LRP2: variants seen among roughly 807,000 people sequenced by gnomAD.
The protein encoded by LRP2 is low-density lipoprotein receptor-related protein 2.
A neutral mutation model predicts 531.0 loss-of-function variants in LRP2; 172 were observed. The observed-to-expected ratio is 0.32, with a 90% confidence interval of 0.29 to 0.37. LRP2 has a LOEUF of 0.37. Among genes scored for constraint, LRP2 ranks in the 10% least tolerant of loss-of-function variants. The pLI is 1.00. For synonymous variants in LRP2, 1,992 were observed against 2,027.6 expected, an observed-to-expected ratio of 0.98 and a Z score of 0.47; for missense variants, 5,167 against 5,868.3, an observed-to-expected ratio of 0.88 and a Z score of 3.90.
intron 63 of LRP2, among the ~76,000 whole-genome samples, chr2:169,161,961 G>A (rs1686604062): frequency 6.6e-6 from 1 of 152,110 alleles, no homozygotes; most frequent in East Asian, 1.9e-4. Context: ...TGTTACATAT[G>A]TATGCATGTG....
chr2:169,308,745 G>C (rs965013201), intron 3 of LRP2, among the ~76,000 whole-genome samples: 1 of 152,086 alleles, frequency 6.6e-6, no homozygotes, highest in African/African-American at 2.4e-5. Context: ...CTCAGTAATG[G>C]GATGGCTGGG....
intron 1 of LRP2, among the ~76,000 whole-genome samples, chr2:169,327,058 G>A (rs370090897): frequency 2.6e-5 from 4 of 151,248 alleles, no homozygotes; most frequent in South Asian, 2.1e-4. Context: ...GTCTCCGCCC[G>A]GCAGCCGCCC....
chr2:169,170,527 G>C, intron 59 of LRP2, 24 bp downstream of exon 59: 10 of 1,579,294 alleles, frequency 6.3e-6, no homozygotes, highest in Non-Finnish European at 8.7e-6. Context: ...AAATTCTATG[G>C]TAAGCTTCTC....
chr2:169,310,313 T>A (rs1031421972), intron 3 of LRP2, among the ~76,000 whole-genome samples: 26 of 152,308 alleles, frequency 1.7e-4, no homozygotes, highest in African/African-American at 6.3e-4. Context: ...TTTTTGCCCA[T>A]TCAGGATGAT....
chr2:169,200,560 C>G (rs374557602), intron 44 of LRP2, among the ~76,000 whole-genome samples: 1 of 152,122 alleles, frequency 6.6e-6, no homozygotes, highest in East Asian at 1.9e-4. Flanking sequence ...GTTGACAGCA[C>G]TGTATTAAAA....
chr2:169,172,955 T>C (rs1434342128), intron 57 of LRP2, 141 bp downstream of exon 57: 5 of 1,104,210 alleles, frequency 4.5e-6, no homozygotes, highest in Middle Eastern at 2.9e-4. Flanking sequence ...AACATGTTAT[T>C]AGAAGAATCA....
intron 76 of LRP2, among the ~76,000 whole-genome samples, chr2:169,135,320 C>T (rs140706266): frequency 0.043 from 6,489 of 152,246 alleles, 353 homozygotes; most frequent in African/African-American, 0.12. Flanking sequence ...ATTGACTTTA[C>T]TCACATGCCC....
rs116822920 is a variant in LRP2 at position 169,162,860 on chromosome 2, C to T, written c.11759-260G>A. On this transcript the variant is annotated intron_variant, in intron 62 of 78. Transcript: ENST00000649046. ...GTGTCTCCTGTGCTGCTGCAGCAACCTTGGAAGCCATGTGTTCCAGGCAGC... is the reference window on the plus strand; with the variant it reads ...GTGTCTCCTGTGCTGCTGCAGCAACTTTGGAAGCCATGTGTTCCAGGCAGC... Among the ~76,000 whole-genome samples, 3,751 of 152,320 alleles carry T rather than the reference C, an allele frequency of 0.025. 137 individuals carry two copies. The highest frequency in any genetic ancestry group is 0.082 in the African/African-American group (3,394 of 41,582).
intron 24 of LRP2, 62 bp from the exon 25 acceptor site, chr2:169,241,427 T>C: frequency 1.3e-6 from 2 of 1,578,922 alleles, no homozygotes; most frequent in Non-Finnish European, 1.7e-6. Flanking sequence ...TTTTATAGTC[T>C]AGACTCAGAG....
intron 13 of LRP2, among the ~76,000 whole-genome samples, chr2:169,277,238 T>C (rs1438989892): frequency 6.6e-6 from 1 of 151,582 alleles, no homozygotes. Context: ...CATTCAAATA[T>C]TGCTGTTTAA....
Position 169,275,182 on chromosome 2 carries a change from A to G in LRP2, c.1829T>C (p.Phe610Ser). The G allele has an allele frequency of 6.2e-7, 1 of 1,613,834 alleles. No homozygotes were observed. Among genetic ancestry groups the G allele is most frequent in the Non-Finnish European group, 8.5e-7 (1 of 1,179,846 alleles). ...ATCTGTAAAGAACACCTGACCTTCAAATAAGCTTACTCCAAAGGGATGAGG... is the reference window on the plus strand; with the variant it reads ...ATCTGTAAAGAACACCTGACCTTCAGATAAGCTTACTCCAAAGGGATGAGG... ...LIPHPFGVSLFEGQVFFTDWT... is the reference protein window; with the variant it reads ...LIPHPFGVSLSEGQVFFTDWT... The change falls in exon 14 of 79, where the codon TTT becomes TCT. Residue 610 changes from phenylalanine to serine, a missense_variant. Physicochemically the swap from Phe to Ser is radical, Grantham distance 155 (BLOSUM62 -2). Transcript: ENST00000649046.
chr2:169,283,672 A>G (rs1317978020), intron 9 of LRP2, among the ~76,000 whole-genome samples: 1 of 152,212 alleles, frequency 6.6e-6, no homozygotes, highest in African/African-American at 2.4e-5. Flanking sequence ...AATTATAACC[A>G]AAATTAAATT....
At chr2:169,331,441 T>C (rs776913357) in intron 1 of LRP2, among the ~76,000 whole-genome samples, 5 of 152,184 alleles carry the variant, frequency 3.3e-5, no homozygotes, top group Non-Finnish European at 5.9e-5. Flanking sequence ...ACCAGTCTTT[T>C]CTGTGCTCCC....
rs1219127159 is a variant in LRP2 at position 169,236,195 on chromosome 2, A to G, written c.4692-127T>C. On this transcript the variant is annotated intron_variant, in intron 28 of 78. Coordinates refer to ENST00000649046, the MANE Select transcript of LRP2 (RefSeq NM_004525.3). The stretch of plus-strand genomic sequence containing the variant: ...ATAAATCATCTCTGGTTCAGAATAT[A>G]TTCACAGAGTTTATTGTTTCCTCTA... 4 of 771,448 alleles carry G rather than the reference A, an allele frequency of 5.2e-6. No homozygotes were observed. In the East Asian group the frequency reaches 8.0e-5, roughly 15 times the overall value. The allele number at this position is 771,448 out of a possible 1,614,324, so 47.8% of individuals were successfully genotyped here.
At chr2:169,359,950 C>A (rs1267398158) in intron 1 of LRP2, among the ~76,000 whole-genome samples, 1 of 151,828 alleles carries the variant, frequency 6.6e-6, no homozygotes, top group African/African-American at 2.4e-5. Context: ...ATAGCAAAAC[C>A]CTGCCTCTAC....
chr2:169,314,575 C>CAA (rs1684709175), intron 3 of LRP2, among the ~76,000 whole-genome samples: 1 of 152,164 alleles, frequency 6.6e-6, no homozygotes, highest in Non-Finnish European at 1.5e-5. Flanking sequence ...TTGATTATAT[C>CAA]TTCCTTGTCA....
chr2:169,281,769 T>G (rs73037812), intron 10 of LRP2, among the ~76,000 whole-genome samples: 13,742 of 151,666 alleles, frequency 0.091, 1,336 homozygotes, highest in African/African-American at 0.24. Flanking sequence ...AATTAAGAAA[T>G]AACTTCATGT....
chr2:169,152,704 TC>T (rs1175990106), intron 67 of LRP2, 94 bp downstream of exon 67: 1 of 1,422,118 alleles, frequency 7.0e-7, no homozygotes, highest in Non-Finnish European at 9.9e-7. Flanking sequence ...TGTACTCATA[TC>T]CAGGCCCAGA....
chr2:169,190,371 A>G (rs1687787315), intron 48 of LRP2, among the ~76,000 whole-genome samples: 1 of 152,220 alleles, frequency 6.6e-6, no homozygotes, highest in South Asian at 2.1e-4. Context: ...TCATCAGAGG[A>G]TGAATCACCC....
Sources: gnomAD v4.1 joint callset for allele counts (sites outside exome capture counted in the v4.1 genomes callset) on GRCh38, gnomAD v4.1.1 for gene constraint, MANE v1.5 for transcripts, NCBI Gene and HGNC (gene_info 2026-07-23, HGNC 2026-07-21) for gene names.